C17orf78: variants seen among roughly 807,000 people sequenced by gnomAD.
C17orf78 encodes the protein chromosome 17 open reading frame 78, also known as uncharacterized protein C17orf78.
C17orf78 carries 27 observed loss-of-function variants against 31.8 expected under a neutral mutation model. The ratio of observed to expected loss-of-function variants is 0.85; its 90% confidence interval spans 0.63 to 1.17. The LOEUF is 1.17. C17orf78 is among the 50% of genes most tolerant of loss of function. The pLI is 0.00. For synonymous variants in C17orf78, 106 were observed against 115.1 expected (o/e 0.92, Z 0.51); for missense variants, 258 against 315.2 (o/e 0.82, Z 1.37).
rs140365002 is a variant in C17orf78 at position 37,377,659 on chromosome 17, C to CAATAAATA, written c.59-181_59-174dup. Among the ~76,000 whole-genome samples, 552 of 143,626 alleles carry CAATAAATA rather than the reference C, an allele frequency of 3.8e-3. 1 individual carries two copies. Among genetic ancestry groups the CAATAAATA allele is most frequent in the Middle Eastern group, 6.9e-3 (2 of 288 alleles). The allele number at this position is 143,626 out of a possible 152,430, so 94.2% of individuals were successfully genotyped here. A position where few individuals can be genotyped will look rare whatever the true frequency, so the allele number is the denominator to read the frequency against. On this transcript the variant is annotated intron_variant, in intron 1 of 6. Coordinates refer to ENST00000615133, the MANE Select transcript of C17orf78 (RefSeq NM_173625.5). ...TGGGCGACAGAGTGAGACTCCGTCT[C>CAATAAATA]AATAAATAAATAAATAAATAAATAA...
At chr17:37,389,100 C>A in intron 5 of C17orf78, 146 bp from the exon 6 acceptor site, 1 of 1,152,962 alleles carries the variant, frequency 8.7e-7, no homozygotes, top group Non-Finnish European at 1.2e-6. Flanking sequence ...TGTACTTAGA[C>A]ATTTTCTAGG....
At chr17:37,380,594 C>CT (rs1346687181) in intron 3 of C17orf78, among the ~76,000 whole-genome samples, 5 of 150,788 alleles carry the variant, frequency 3.3e-5, no homozygotes, top group Admixed American at 6.6e-5. Flanking sequence ...TTTAAAATTT[C>CT]TTTTTTTTTG....
chr17:37,379,083 C>A, intron 2 of C17orf78, 54 bp from the exon 3 acceptor site: 1 of 1,552,798 alleles, frequency 6.4e-7, no homozygotes, highest in Non-Finnish European at 8.7e-7. Flanking sequence ...AAAAAACCAA[C>A]CAAACAAAAA....
Position 37,379,121 on chromosome 17 carries a change from GTTC to G in C17orf78, c.146-11_146-9del. ...AAAACCAGCTCCATTTTTCTATCTG[GTTC>G]TTCTCCTTCCAGAAACTCACACAGA... On this transcript the variant is annotated splice_polypyrimidine_tract_variant and intron_variant, in intron 2 of 6. Transcript: ENST00000615133. 1 of 1,607,368 alleles carries G rather than the reference GTTC, an allele frequency of 6.2e-7. No individual in the cohort carries two copies. Among genetic ancestry groups the G allele is most frequent in the Non-Finnish European group, 8.5e-7 (1 of 1,177,234 alleles).
At chr17:37,390,330 A>ATATATATATATATCTATATATATATATC (rs1386032855) in intron 6 of C17orf78, among the ~76,000 whole-genome samples, 3 of 41,576 alleles carry the variant, frequency 7.2e-5, no homozygotes, top group South Asian at 8.5e-4. Flanking sequence ...ATATATATAT[A>ATATATATATATATCTATATATATATATC]TATAAAAGGC....
Position 37,392,151 on chromosome 17 carries a change from C to T in C17orf78, c.*427C>T, listed in dbSNP as rs1171991160. On this transcript the variant is annotated 3_prime_UTR_variant, in exon 7 of 7. Transcript: ENST00000615133. ...GCCCTCAATAGCTTAGAGTGGGACT[C>T]CTGATCTCCCTGGTTGACGTTTATA... The T allele has an allele frequency of 5.9e-6, 1 of 170,924 alleles. No individual in the cohort carries two copies. The highest frequency in any genetic ancestry group is 1.3e-5 in the Non-Finnish European group (1 of 78,964). 10.6% of individuals were successfully genotyped at this position (170,924 alleles called of 1,614,324 possible).
intron 3 of C17orf78, among the ~76,000 whole-genome samples, chr17:37,381,774 CTCG>C (rs780599019): frequency 1.6e-4 from 24 of 151,770 alleles, no homozygotes; most frequent in East Asian, 3.9e-4. Context: ...ACTACAGGCA[CTCG>C]CCACCACACC....
chr17:37,380,469 C>A (rs2050198764), intron 3 of C17orf78, among the ~76,000 whole-genome samples: 1 of 152,086 alleles, frequency 6.6e-6, no homozygotes, highest in Admixed American at 6.6e-5. Context: ...TCCCCTTGGG[C>A]AAATCTACGT....
At chr17:37,382,546 G>A (rs933970766) in intron 3 of C17orf78, among the ~76,000 whole-genome samples, 1 of 151,978 alleles carries the variant, frequency 6.6e-6, no homozygotes, top group Non-Finnish European at 1.5e-5. Flanking sequence ...TAGGCTCTCA[G>A]GATGTTACAG....
intron 1 of C17orf78, 28 bp from the exon 2 acceptor site, chr17:37,377,851 C>T: frequency 2.7e-6 from 4 of 1,479,428 alleles, no homozygotes; most frequent in South Asian, 2.3e-5. Context: ...TTCCCCGGTT[C>T]CCCTCCTCCC....
At chr17:37,388,825 C>T (rs1328435663) in intron 5 of C17orf78, 31 bp downstream of exon 5, 2 of 1,610,312 alleles carry the variant, frequency 1.2e-6, no homozygotes, top group East Asian at 4.5e-5. Context: ...AATCCTTGAA[C>T]TTGACCCATA....
rs189618982 is a variant in C17orf78 at position 37,376,011 on chromosome 17, G to A, written c.-82G>A. The stretch of plus-strand genomic sequence containing the variant: ...AAACTTGGTTCCAGCTGCGTGTGGT[G>A]AAAGCAACTAGAGGCAGAGCTATCA... On this transcript the variant is annotated 5_prime_UTR_variant, in exon 1 of 7. Coordinates refer to ENST00000615133, the MANE Select transcript of C17orf78 (RefSeq NM_173625.5). 3.3e-4 allele frequency: 417 copies of A among 1,251,908 alleles called. No homozygotes were observed. The African/African-American group carries it at 5.7e-3, about 17-fold the overall frequency. 77.5% of individuals were successfully genotyped at this position (1,251,908 alleles called of 1,614,324 possible).
Position 37,378,249 on chromosome 17 carries a change from T to G in C17orf78, c.145+284T>G, listed in dbSNP as rs1433666633. ...CTATGAGCATTTCTCTGTGCTAAAT[T>G]TACTGCTGTCACCAACCTTCATGGG... On this transcript the variant is annotated intron_variant, in intron 2 of 6. Coordinates refer to ENST00000615133, the MANE Select transcript of C17orf78 (RefSeq NM_173625.5). Among the ~76,000 whole-genome samples the G allele has an allele frequency of 2.0e-5, 3 of 152,344 alleles. No homozygotes were observed. The East Asian group carries it at 5.8e-4, about 29-fold the overall frequency.
Position 37,391,678 on chromosome 17 carries a change from C to G in C17orf78, c.782C>G (p.Pro261Arg). Residue 261 changes from proline (P) to arginine (R), a missense_variant, in exon 7 of 7, where the codon CCA becomes CGA. Coordinates refer to ENST00000615133, the MANE Select transcript of C17orf78 (RefSeq NM_173625.5). Reference protein sequence around the residue: ...VGQDAANSSNPKKAAEITVIH... With the variant: ...VGQDAANSSNRKKAAEITVIH... ...CAAGATGCTGCCAATTCATCAAACC[C>G]AAAGAAAGCTGCAGAGATCACTGTT... 2 of 1,613,894 alleles carry G rather than the reference C, an allele frequency of 1.2e-6. No homozygotes were observed. Among genetic ancestry groups the G allele is most frequent in the South Asian group, 1.1e-5 (1 of 91,084 alleles).
At chr17:37,390,966 C>A (rs1178247539) in intron 6 of C17orf78, among the ~76,000 whole-genome samples, 1 of 151,926 alleles carries the variant, frequency 6.6e-6, no homozygotes, top group Non-Finnish European at 1.5e-5. Context: ...TAGGGCCAGG[C>A]GTGGTGGCTC....
intron 4 of C17orf78, among the ~76,000 whole-genome samples, chr17:37,388,468 A>C (rs1392489153): frequency 6.6e-6 from 1 of 151,456 alleles, no homozygotes; most frequent in Non-Finnish European, 1.5e-5. Context: ...GTGCAAAAGA[A>C]GTTAGAGCAG....
At chr17:37,381,249 G>A (rs540361885) in intron 3 of C17orf78, among the ~76,000 whole-genome samples, 4 of 152,066 alleles carry the variant, frequency 2.6e-5, no homozygotes, top group Admixed American at 6.6e-5. Context: ...GCAGTGGCGC[G>A]ATCTCGTCTC....
intron 3 of C17orf78, among the ~76,000 whole-genome samples, chr17:37,381,815 GAT>G (rs2050287827): frequency 2.6e-5 from 4 of 151,662 alleles, no homozygotes; most frequent in South Asian, 4.2e-4. Context: ...TTTTGGTAGA[GAT>G]GGGGTTTCAC....
chr17:37,388,827 T>G, intron 5 of C17orf78, 33 bp downstream of exon 5: 1 of 1,610,076 alleles, frequency 6.2e-7, no homozygotes, highest in Non-Finnish European at 8.5e-7. Context: ...TCCTTGAACT[T>G]GACCCATAAA....
Sources: gnomAD v4.1 joint callset for allele counts (sites outside exome capture counted in the v4.1 genomes callset) on GRCh38, gnomAD v4.1.1 for gene constraint, MANE v1.5 for transcripts, NCBI Gene and HGNC (gene_info 2026-07-23, HGNC 2026-07-21) for gene names.